HUWE1: variants seen among roughly 807,000 people sequenced by gnomAD.
The protein encoded by HUWE1 is E3 ubiquitin-protein ligase HUWE1.
Under a neutral mutation model 299.4 loss-of-function variants are expected in HUWE1, and 18 were observed. That is an observed-to-expected ratio of 0.06 (90% CI 0.04 to 0.09). HUWE1 has a LOEUF of 0.09. Among genes scored for constraint, HUWE1 ranks in the 10% least tolerant of loss-of-function variants. HUWE1 has a pLI of 1.00. For synonymous variants in HUWE1, 1,317 were observed against 1,286.1 expected, an observed-to-expected ratio of 1.02 and a Z score of -0.51; for missense variants, 1,832 against 3,462.3, an observed-to-expected ratio of 0.53 and a Z score of 11.82.
In HUWE1 at chrX:53,607,713, AT is replaced by A. The variant is rs1556998064; in HGVS notation, c.2320-15del. 1 of 1,152,876 alleles carries A rather than the reference AT, an allele frequency of 8.7e-7. No individual in the cohort carries two copies. Among genetic ancestry groups the A allele is most frequent in the East Asian group, 3.0e-5 (1 of 33,005 alleles). On this transcript the variant is annotated splice_polypyrimidine_tract_variant and intron_variant, in intron 24 of 83. Transcript: ENST00000262854. Reference sequence around the variant, plus strand: ...CACAAATTTCATCTAGGTAATAAAAATTTTTTAAAGAAGTTAGAGCCTGACA... The same window carrying A: ...CACAAATTTCATCTAGGTAATAAAAATTTTTAAAGAAGTTAGAGCCTGACA...
intron 60 of HUWE1, among the ~76,000 whole-genome samples, chrX:53,555,999 A>G (rs1408968423): frequency 1.8e-5 from 2 of 112,147 alleles, no homozygotes; most frequent in Admixed American, 1.9e-4. Flanking sequence ...TCTATTACTA[A>G]TAAAATGCAA....
Position 53,559,014 on chromosome X carries a change from T to C in HUWE1, c.7962A>G (p.Glu2654=). ...TGCTCTCAGCATCGAGAACTTTGCA[T>C]TCTTCTGTCCAGCGGGTCAGGGCTG... is the stretch of plus-strand genomic sequence containing the variant. ...IPTALTRWTE[E]CKVLDAESMH... is the part of the protein sequence containing the mutation. The change falls in exon 58 of 84, where the codon GAA becomes GAG. Residue 2654 remains glutamate, a synonymous_variant. Transcript: ENST00000262854. 1 of 1,176,157 alleles carries C rather than the reference T, an allele frequency of 8.5e-7. No homozygotes were observed. Among genetic ancestry groups the C allele is most frequent in the South Asian group, 1.9e-5 (1 of 53,423 alleles).
Position 53,569,830 on chromosome X carries a change from GA to G in HUWE1, c.6313-4del. ...ACAAAAGCTAGCACACTGCAGTCCT[GA>G]AAAGTCATGAATCACGACATTTACT... On this transcript the variant is annotated splice_polypyrimidine_tract_variant and splice_region_variant and intron_variant, in intron 47 of 83. Transcript: ENST00000262854. The G allele has an allele frequency of 3.3e-6, 4 of 1,198,424 alleles. No homozygotes were observed. The highest frequency in any genetic ancestry group is 1.7e-5 in the African/African-American group (1 of 57,631).
chrX:53,545,307 A>G lies in HUWE1; in HGVS notation c.10916-146T>C, dbSNP rs1487320068. ...AGTGAGCTGGAATCGTGCTCTGTTC[A>G]GCTTATTATGCGTGTCCACGAACCG... is the stretch of plus-strand genomic sequence containing the variant. On this transcript the variant is annotated intron_variant, in intron 70 of 83. Coordinates refer to ENST00000262854, the MANE Select transcript of HUWE1 (RefSeq NM_031407.7). 12 of 578,180 alleles carry G rather than the reference A, an allele frequency of 2.1e-5. No homozygotes were observed. In the East Asian group the frequency reaches 4.1e-4, roughly 20 times the overall value. 47.6% of individuals were successfully genotyped at this position (578,180 alleles called of 1,213,427 possible).
intron 19 of HUWE1, among the ~76,000 whole-genome samples, chrX:53,618,565 C>CT (rs1158947305): frequency 0.012 from 1,037 of 88,867 alleles, 7 homozygotes; most frequent in Non-Finnish European, 0.017. Context: ...TAAGAATTTT[C>CT]TTTTTTTTTT....
intron 19 of HUWE1, among the ~76,000 whole-genome samples, chrX:53,624,280 C>T (rs782407434): frequency 2.7e-5 from 3 of 111,604 alleles, no homozygotes; most frequent in South Asian, 3.8e-4. Context: ...CTTCCATGCC[C>T]GGCCTCTCTG....
chrX:53,575,269 C>T lies in HUWE1; in HGVS notation c.6031-48G>A, dbSNP rs149719293. On this transcript the variant is annotated intron_variant, in intron 45 of 83. Transcript: ENST00000262854. Reference sequence around the variant, plus strand: ...AGCTATTATGAATTTCAAAAGCACCCGTCTGCAAATGGCAGAACTCCTTCC... The same window carrying T: ...AGCTATTATGAATTTCAAAAGCACCTGTCTGCAAATGGCAGAACTCCTTCC... The T allele has an allele frequency of 9.0e-6, 9 of 999,582 alleles. No homozygotes were observed. The East Asian group carries it at 9.3e-5, about 10-fold the overall frequency. The allele number at this position is 999,582 out of a possible 1,213,427, so 82.4% of individuals were successfully genotyped here.
At chrX:53,534,495 G>A (rs782216316) in intron 82 of HUWE1, 21 bp downstream of exon 82, 3 of 1,191,190 alleles carry the variant, frequency 2.5e-6, no homozygotes, top group African/African-American at 1.8e-5. Context: ...CATATGAGGA[G>A]GGATGCCAGC....
At chrX:53,585,656 T>G (rs1687512614) in intron 39 of HUWE1, among the ~76,000 whole-genome samples, 1 of 112,153 alleles carries the variant, frequency 8.9e-6, no homozygotes, top group African/African-American at 3.2e-5. Flanking sequence ...TCTAGAACTA[T>G]GAGCCAAATA....
chrX:53,565,135 C>G lies in HUWE1; in HGVS notation c.6812G>C (p.Ser2271Thr). The G allele has an allele frequency of 1.7e-6, 2 of 1,211,596 alleles. No homozygotes were observed. The highest frequency in any genetic ancestry group is 2.2e-6 in the Non-Finnish European group (2 of 895,291). ...SSLFGSKSAS[S>T]KNKSEQDAQG... ...GGCATCCTGCTCAGACTTGTTCTTG[C>G]TAGAAGCACTCTTGCTGCCAAAAAG... The change falls in exon 50 of 84, where the codon AGC becomes ACC. Residue 2271 changes from serine (S) to threonine (T), a missense_variant. Around this residue, in one of 15 missense-constraint regions of HUWE1, gnomAD observed 26 missense variants for 20.7 expected, o/e 1.26. Coordinates refer to ENST00000262854, the MANE Select transcript of HUWE1 (RefSeq NM_031407.7).
At chrX:53,579,152 TGAG>T (rs1269546656) in intron 43 of HUWE1, among the ~76,000 whole-genome samples, 7 of 52,290 alleles carry the variant, frequency 1.3e-4, no homozygotes, top group African/African-American at 5.7e-4. Flanking sequence ...TACTGGGAAG[TGAG>T]GACCCCTCTG....
intron 60 of HUWE1, among the ~76,000 whole-genome samples, chrX:53,556,639 A>G (rs1456117080): frequency 8.9e-6 from 1 of 111,784 alleles, no homozygotes; most frequent in Non-Finnish European, 1.9e-5. Context: ...TAGGAAACAT[A>G]CGGCAGTCAT....
intron 6 of HUWE1, among the ~76,000 whole-genome samples, chrX:53,646,990 G>T (rs1557036475): frequency 3.6e-5 from 4 of 111,807 alleles, no homozygotes; most frequent in East Asian, 2.8e-4. Flanking sequence ...ACACTTAGAG[G>T]AGTAGTAAGT....
chrX:53,595,065 T>C (rs782475145), intron 30 of HUWE1, 122 bp downstream of exon 30: 1 of 570,498 alleles, frequency 1.8e-6, no homozygotes. Flanking sequence ...TTTTCTAGAG[T>C]AAACAAGGGA....
intron 17 of HUWE1, among the ~76,000 whole-genome samples, chrX:53,626,905 T>C (rs991653278): frequency 4.5e-5 from 5 of 111,270 alleles, no homozygotes; most frequent in Admixed American, 2.9e-4. Context: ...TGGGCTCAAG[T>C]GATGTGCCAG....
intron 45 of HUWE1, 95 bp downstream of exon 45, chrX:53,575,548 A>G: frequency 4.3e-6 from 4 of 931,971 alleles, no homozygotes; most frequent in South Asian, 2.1e-5. Context: ...CACAATTAAT[A>G]TCTTTGAAAT....
intron 19 of HUWE1, among the ~76,000 whole-genome samples, chrX:53,622,337 G>A (rs996463047): frequency 2.7e-5 from 3 of 111,452 alleles, no homozygotes; most frequent in African/African-American, 9.8e-5. Flanking sequence ...ATTTTATTCA[G>A]CGATCCTGTT....
chrX:53,666,949 A>G (rs1318042406), intron 3 of HUWE1, among the ~76,000 whole-genome samples: 1 of 112,563 alleles, frequency 8.9e-6, no homozygotes, highest in African/African-American at 3.2e-5. Flanking sequence ...GTGAACTGAA[A>G]AAAACAATTT....
Position 53,561,930 on chromosome X carries a change from G to A in HUWE1, c.7339-6C>T. ...TCTTCACCTTCATCATCCTCCTTAA[G>A]GGAAAATAGGAGATGGAGAATTGCT... On this transcript the variant is annotated splice_polypyrimidine_tract_variant and splice_region_variant and intron_variant, in intron 54 of 83. Coordinates refer to ENST00000262854, the MANE Select transcript of HUWE1 (RefSeq NM_031407.7). The A allele has an allele frequency of 8.3e-7, 1 of 1,211,133 alleles. No homozygotes were observed. Among genetic ancestry groups the A allele is most frequent in the Non-Finnish European group, 1.1e-6 (1 of 895,238 alleles).
Sources: gnomAD v4.1 joint callset for allele counts (sites outside exome capture counted in the v4.1 genomes callset) on GRCh38, gnomAD v4.1.1 for gene constraint, gnomAD v4.1.1 regional missense constraint, MANE v1.5 for transcripts, NCBI Gene and HGNC (gene_info 2026-07-23, HGNC 2026-07-21) for gene names.